Variants in CSRNP3 observed in about 807,000 individuals in gnomAD.
CSRNP3 encodes the protein cysteine/serine-rich nuclear protein 3.
In CSRNP3, 12 loss-of-function variants were observed where a neutral mutation model predicts 48.0. That is an observed-to-expected ratio of 0.25 (90% confidence interval 0.16 to 0.41). The LOEUF (loss-of-function observed/expected upper bound fraction) is 0.41, where lower values mean the gene tolerates loss of function less well. CSRNP3 is among the 10% of genes least tolerant of loss of function. CSRNP3 has a pLI of 1.00. For missense variants in CSRNP3, 580 were observed against 724.4 expected (o/e 0.80, Z 2.29); for synonymous variants, 263 against 269.7 (o/e 0.98, Z 0.24).
chr2:165,661,447 C>A (rs1687095139), intron 5 of CSRNP3, among the ~76,000 whole-genome samples: 1 of 152,148 alleles, frequency 6.6e-6, no homozygotes, highest in Non-Finnish European at 1.5e-5. Flanking sequence ...AGTTGTTCAT[C>A]CTCATGATTG....
At chr2:165,648,671 A>G (rs1207184650) in intron 4 of CSRNP3, among the ~76,000 whole-genome samples, 3 of 152,144 alleles carry the variant, frequency 2.0e-5, no homozygotes, top group Non-Finnish European at 4.4e-5. Context: ...ATTACTCACA[A>G]GAATTAGTGG....
intron 5 of CSRNP3, among the ~76,000 whole-genome samples, chr2:165,662,996 A>T (rs1292416681): frequency 1.3e-5 from 2 of 152,284 alleles, no homozygotes; most frequent in Non-Finnish European, 2.9e-5. Flanking sequence ...CCTTTAAAAA[A>T]ACTCTACATA....
intron 3 of CSRNP3, among the ~76,000 whole-genome samples, chr2:165,570,064 A>G (rs1685348400): frequency 6.6e-6 from 1 of 152,052 alleles, no homozygotes; most frequent in Non-Finnish European, 1.5e-5. Context: ...GCCAATTTAA[A>G]GAACTGAAGT....
intron 4 of CSRNP3, among the ~76,000 whole-genome samples, chr2:165,602,919 C>G (rs1685940144): frequency 6.6e-6 from 1 of 151,908 alleles, no homozygotes; most frequent in South Asian, 2.1e-4. Context: ...TTTTTTGAGA[C>G]AGAGTCTCGC....
chr2:165,573,060 A>C (rs1558937850), intron 3 of CSRNP3, among the ~76,000 whole-genome samples: 1 of 152,068 alleles, frequency 6.6e-6, no homozygotes, highest in Admixed American at 6.6e-5. Flanking sequence ...ATATTTAATT[A>C]TTTGAATTAA....
chr2:165,532,661 G>C (rs1016226071), intron 3 of CSRNP3, among the ~76,000 whole-genome samples: 4 of 152,028 alleles, frequency 2.6e-5, no homozygotes, highest in African/African-American at 9.7e-5. Context: ...AGACAGGGAT[G>C]CCCTCTCTCA....
At chr2:165,471,183 A>T (rs889886397) in intron 1 of CSRNP3, among the ~76,000 whole-genome samples, 1 of 152,022 alleles carries the variant, frequency 6.6e-6, no homozygotes, top group African/African-American at 2.4e-5. Flanking sequence ...TAACATGTTT[A>T]TATGGTTAAG....
In CSRNP3 at chr2:165,490,054, G is replaced by A. The variant is rs930305235; in HGVS notation, c.-282-4705G>A. ...GATTGTTTATCTAGAAATCCCCATC[G>A]TCTCAGCCCAAAATCTCCTTAAGCT... On this transcript the variant is annotated intron_variant, in intron 1 of 6. Coordinates refer to ENST00000651982, the MANE Select transcript of CSRNP3 (RefSeq NM_001172173.2). Among the ~76,000 whole-genome samples the A allele has an allele frequency of 2.6e-3, 399 of 151,734 alleles. 5 individuals are homozygous for A. Among genetic ancestry groups the A allele is most frequent in the African/African-American group, 8.9e-3 (367 of 41,274 alleles).
intron 4 of CSRNP3, among the ~76,000 whole-genome samples, chr2:165,627,189 C>T (rs547728952): frequency 2.0e-5 from 3 of 152,234 alleles, no homozygotes; most frequent in Admixed American, 1.3e-4. Context: ...TTGTTGTCTC[C>T]GCTCAATATT....
At chr2:165,587,642 T>G (rs1431298596) in intron 3 of CSRNP3, among the ~76,000 whole-genome samples, 2 of 152,242 alleles carry the variant, frequency 1.3e-5, no homozygotes, top group African/African-American at 4.8e-5. Flanking sequence ...GCTGCCCTAG[T>G]TCCTGTTTCC....
chr2:165,603,593 A>G (rs888943170), intron 4 of CSRNP3, among the ~76,000 whole-genome samples: 9 of 151,946 alleles, frequency 5.9e-5, no homozygotes, highest in East Asian at 1.9e-4. Context: ...TTGTCTTTAT[A>G]TAAGTTTCCA....
At chr2:165,587,108 T>G (rs929600776) in intron 3 of CSRNP3, among the ~76,000 whole-genome samples, 33 of 152,360 alleles carry the variant, frequency 2.2e-4, no homozygotes, top group African/African-American at 6.7e-4. Flanking sequence ...TTTTCATAAA[T>G]GTGCTCACAG....
At chr2:165,547,770 T>C (rs1281974084) in intron 3 of CSRNP3, among the ~76,000 whole-genome samples, 2 of 151,994 alleles carry the variant, frequency 1.3e-5, no homozygotes, top group African/African-American at 4.8e-5. Flanking sequence ...AAATTAACCA[T>C]ACTAATGGTA....
chr2:165,523,515 A>G (rs1684691052), intron 3 of CSRNP3, among the ~76,000 whole-genome samples: 1 of 152,144 alleles, frequency 6.6e-6, no homozygotes, highest in African/African-American at 2.4e-5. Flanking sequence ...ACCCCATTTA[A>G]CAGAGCATGC....
At chr2:165,575,209 A>G (rs570239677) in intron 3 of CSRNP3, among the ~76,000 whole-genome samples, 174 of 152,272 alleles carry the variant, frequency 1.1e-3, no homozygotes, top group African/African-American at 4.1e-3. Flanking sequence ...TGATTACATC[A>G]TAGGAAAGTC....
chr2:165,566,472 C>T (rs988021420), intron 3 of CSRNP3, among the ~76,000 whole-genome samples: 5 of 151,460 alleles, frequency 3.3e-5, no homozygotes, highest in Admixed American at 6.6e-5. Context: ...GTCTCTATCT[C>T]GTGATGCCTC....
At chr2:165,511,123 C>T (rs1684495328) in intron 2 of CSRNP3, among the ~76,000 whole-genome samples, 1 of 152,096 alleles carries the variant, frequency 6.6e-6, no homozygotes, top group African/African-American at 2.4e-5. Flanking sequence ...AAGATAATGA[C>T]AGAACTTACC....
At chr2:165,648,567 C>CT (rs1489674226) in intron 4 of CSRNP3, among the ~76,000 whole-genome samples, 1 of 151,942 alleles carries the variant, frequency 6.6e-6, no homozygotes, top group African/African-American at 2.4e-5. Context: ...TAAATTTTTG[C>CT]TTTTTTAATT....
chr2:165,552,879 A>G (rs1223134688), intron 3 of CSRNP3, among the ~76,000 whole-genome samples: 1 of 151,852 alleles, frequency 6.6e-6, no homozygotes, highest in African/African-American at 2.4e-5. Flanking sequence ...ATTTTAGTAG[A>G]GACAGGGTTT....
Sources: gnomAD v4.1 joint callset for allele counts (sites outside exome capture counted in the v4.1 genomes callset) on GRCh38, gnomAD v4.1.1 for gene constraint, MANE v1.5 for transcripts, NCBI Gene and HGNC (gene_info 2026-07-23, HGNC 2026-07-21) for gene names.